HS3ST5: variants seen among roughly 807,000 people sequenced by gnomAD.
HS3ST5 encodes the protein heparan sulfate-glucosamine 3-sulfotransferase 5.
HS3ST5 carries 10 observed loss-of-function variants against 25.4 expected under a neutral mutation model. The observed-to-expected ratio is 0.39, with a 90% CI of 0.24 to 0.67. HS3ST5 has a LOEUF of 0.67. HS3ST5 is among the 30% of genes least tolerant of loss of function. The pLI is 0.44. For missense variants in HS3ST5, 324 were observed against 420.7 expected (o/e 0.77, Z 2.01); for synonymous variants, 170 against 162.4 (o/e 1.05, Z -0.36).
intron 3 of HS3ST5, among the ~76,000 whole-genome samples, chr6:114,106,300 A>G (rs1269124834): frequency 6.6e-6 from 1 of 152,114 alleles, no homozygotes; most frequent in Non-Finnish European, 1.5e-5. Context: ...ATAAAATGAT[A>G]AAATACTGTC....
intron 2 of HS3ST5, among the ~76,000 whole-genome samples, chr6:114,169,792 C>A (rs1779390510): frequency 6.6e-6 from 1 of 152,138 alleles, no homozygotes; most frequent in African/African-American, 2.4e-5. Context: ...TAGAGCTTGT[C>A]CCCTAAGGGT....
chr6:114,057,524 G>C lies in HS3ST5; in HGVS notation c.774C>G (p.Leu258=). The part of the protein sequence containing the change: ...EQFHVVDGDR[L]ITEPLPELQL... ...GAAGTTCTGGCAGAGGTTCCGTGAT[G>C]AGGCGATCTCCATCGACGACATGAA... Residue 258 remains leucine (L), a synonymous_variant, in exon 5 of 5, where the codon CTC becomes CTG. Coordinates refer to ENST00000312719, the MANE Select transcript of HS3ST5 (RefSeq NM_153612.4). 1 of 1,614,210 alleles carries C rather than the reference G, an allele frequency of 6.2e-7. No individual in the cohort carries two copies. Among genetic ancestry groups the C allele is most frequent in the Non-Finnish European group, 8.5e-7 (1 of 1,180,036 alleles).
Position 114,121,355 on chromosome 6 carries a change from G to A in HS3ST5, c.-33+46996C>T, listed in dbSNP as rs887599881. On this transcript the variant is annotated intron_variant, in intron 3 of 4. Transcript: ENST00000312719. ...CAACTCCTAGGACGTCCAAAAGACA[G>A]GTGATATTTATTCCACTCAGAGTTC... Among the ~76,000 whole-genome samples the A allele has an allele frequency of 2.6e-5, 4 of 152,242 alleles. No homozygotes were observed. In the South Asian group the frequency reaches 6.2e-4, roughly 24 times the overall value.
At chr6:114,210,404 C>A (rs767258017) in intron 2 of HS3ST5, among the ~76,000 whole-genome samples, 13 of 152,092 alleles carry the variant, frequency 8.5e-5, no homozygotes, top group Non-Finnish European at 1.6e-4. Flanking sequence ...GCTCTGGTTT[C>A]TGAAAAAAAT....
intron 1 of HS3ST5, among the ~76,000 whole-genome samples, chr6:114,267,263 TACCCA>T (rs1562258384): frequency 6.6e-6 from 1 of 152,228 alleles, no homozygotes; most frequent in African/African-American, 2.4e-5. Flanking sequence ...TAAGAAAAGG[TACCCA>T]TTTTAAAGGG....
At chr6:114,107,541 C>T (rs937577711) in intron 3 of HS3ST5, among the ~76,000 whole-genome samples, 1 of 152,000 alleles carries the variant, frequency 6.6e-6, no homozygotes, top group African/African-American at 2.4e-5. Context: ...GTGCGATGGG[C>T]AAGAAAAAGA....
intron 2 of HS3ST5, among the ~76,000 whole-genome samples, chr6:114,223,735 A>G (rs915020939): frequency 5.9e-5 from 9 of 151,740 alleles, no homozygotes; most frequent in Non-Finnish European, 7.4e-5. Context: ...CTTTTTGTTG[A>G]TAATGAAAAA....
At chr6:114,165,606 A>G (rs1278608645) in intron 3 of HS3ST5, among the ~76,000 whole-genome samples, 4 of 152,142 alleles carry the variant, frequency 2.6e-5, no homozygotes, top group African/African-American at 9.7e-5. Context: ...GAGAAAATTG[A>G]AGCATGAAGA....
intron 1 of HS3ST5, among the ~76,000 whole-genome samples, chr6:114,295,931 G>C (rs779024956): frequency 6.6e-6 from 1 of 152,100 alleles, no homozygotes; most frequent in East Asian, 1.9e-4. Flanking sequence ...TATGTCCCAC[G>C]GGTTTCTACT....
intron 3 of HS3ST5, among the ~76,000 whole-genome samples, chr6:114,077,333 C>A (rs1356582295): frequency 6.6e-6 from 1 of 152,050 alleles, no homozygotes; most frequent in Non-Finnish European, 1.5e-5. Context: ...ACTCTTAATC[C>A]CAGTATCTCA....
At chr6:114,278,895 G>GT (rs1469568523) in intron 1 of HS3ST5, among the ~76,000 whole-genome samples, 1 of 152,030 alleles carries the variant, frequency 6.6e-6, no homozygotes, top group Non-Finnish European at 1.5e-5. Flanking sequence ...CAGTTTATCA[G>GT]TAAGTCACCA....
At chr6:114,255,892 A>T (rs1417039991) in intron 1 of HS3ST5, among the ~76,000 whole-genome samples, 3 of 152,112 alleles carry the variant, frequency 2.0e-5, no homozygotes, top group African/African-American at 7.2e-5. Flanking sequence ...AAGGTCTCTG[A>T]CATGCCAGGA....
chr6:114,183,695 T>C (rs1177362155), intron 2 of HS3ST5, among the ~76,000 whole-genome samples: 2 of 152,194 alleles, frequency 1.3e-5, no homozygotes, highest in Non-Finnish European at 2.9e-5. Flanking sequence ...AAGTGCTTGC[T>C]CTAAGAAACT....
intron 2 of HS3ST5, among the ~76,000 whole-genome samples, chr6:114,196,104 G>T (rs981247114): frequency 1.3e-5 from 2 of 152,108 alleles, no homozygotes; most frequent in African/African-American, 4.8e-5. Flanking sequence ...CCCTCTCCAT[G>T]ACAGAGAGCT....
At chr6:114,137,657 G>T (rs1360495100) in intron 3 of HS3ST5, among the ~76,000 whole-genome samples, 1 of 152,140 alleles carries the variant, frequency 6.6e-6, no homozygotes, top group Admixed American at 6.5e-5. Context: ...TTCTTATGTG[G>T]ATAGGTCCCA....
At position 114,062,821 on chromosome 6, in the gene HS3ST5, G is replaced by C; in HGVS notation, c.25C>G (p.Leu9Val). Residue 9 changes from leucine (L) to valine (V), a missense_variant, in exon 4 of 5, where the codon CTG (leucine) becomes GTG (valine). By Grantham distance (32) the Leu-to-Val change is conservative. This residue lies in a region of HS3ST5 where 121 missense variants were observed against 117.3 expected (regional missense o/e 1.03). Transcript: ENST00000312719. ...CCCAGCACCAGGAGCTTCTGTCTCA[G>C]CCACGCCTGCTGTTTGAATAGCATG... MLFKQQAW[L>V]RQKLLVLGSL... The C allele has an allele frequency of 6.2e-7, 1 of 1,613,898 alleles. No homozygotes were observed. The highest frequency in any genetic ancestry group is 1.1e-5 in the South Asian group (1 of 91,064).
intron 2 of HS3ST5, among the ~76,000 whole-genome samples, chr6:114,217,802 A>C (rs1369879437): frequency 6.6e-6 from 1 of 152,204 alleles, no homozygotes; most frequent in Non-Finnish European, 1.5e-5. Flanking sequence ...GCTCACATTC[A>C]TAATCACTAT....
intron 1 of HS3ST5, among the ~76,000 whole-genome samples, chr6:114,323,574 C>T (rs1041642796): frequency 8.5e-5 from 13 of 152,080 alleles, no homozygotes; most frequent in African/African-American, 1.4e-4. Flanking sequence ...TAATTTAAGC[C>T]GCAATTTCCT....
chr6:114,276,195 C>T (rs1773846730), intron 1 of HS3ST5, among the ~76,000 whole-genome samples: 1 of 144,206 alleles, frequency 6.9e-6, no homozygotes, highest in African/African-American at 2.5e-5. Context: ...TTTAATAACA[C>T]CAAAGTTTAA....
Sources: gnomAD v4.1 joint callset for allele counts (sites outside exome capture counted in the v4.1 genomes callset) on GRCh38, gnomAD v4.1.1 for gene constraint, gnomAD v4.1.1 regional missense constraint, MANE v1.5 for transcripts, NCBI Gene and HGNC (gene_info 2026-07-23, HGNC 2026-07-21) for gene names.